TEAD1: variants seen among roughly 807,000 people sequenced by gnomAD.
The protein encoded by TEAD1 is transcriptional enhancer factor TEF-1.
In TEAD1, 9 loss-of-function variants were observed where a neutral mutation model predicts 54.9. That is an observed-to-expected ratio of 0.16 (90% CI 0.10 to 0.29). The LOEUF is 0.29. Among genes scored for constraint, TEAD1 ranks in the 10% least tolerant of loss-of-function variants. TEAD1 has a pLI of 1.00. For synonymous variants in TEAD1, 200 were observed against 187.8 expected (o/e 1.07, Z -0.53); for missense variants, 387 against 535.9 (o/e 0.72, Z 2.74).
chr11:12,724,384 C>T (rs924359427), intron 2 of TEAD1, among the ~76,000 whole-genome samples: 2 of 152,330 alleles, frequency 1.3e-5, no homozygotes, highest in Non-Finnish European at 2.9e-5. Flanking sequence ...TCCCGCACAC[C>T]TCTCGGGCTG....
At chr11:12,764,072 A>G in intron 2 of TEAD1, 107 bp from the exon 3 acceptor site, 2 of 714,476 alleles carry the variant, frequency 2.8e-6, no homozygotes, top group Non-Finnish European at 4.5e-6. Context: ...TGAAATAATA[A>G]AATGAAATGA....
At chr11:12,715,238 C>T (rs902980810) in intron 2 of TEAD1, among the ~76,000 whole-genome samples, 1 of 152,076 alleles carries the variant, frequency 6.6e-6, no homozygotes, top group African/African-American at 2.4e-5. Flanking sequence ...AATTCCATGC[C>T]CTGAGACCAT....
At chr11:12,680,896 A>G (rs775220574) in intron 2 of TEAD1, among the ~76,000 whole-genome samples, 2 of 152,198 alleles carry the variant, frequency 1.3e-5, no homozygotes, top group Non-Finnish European at 2.9e-5. Flanking sequence ...TGTGGGCCTC[A>G]GATAAGCTGT....
intron 7 of TEAD1, 73 bp downstream of exon 7, chr11:12,881,124 A>G: frequency 1.3e-6 from 2 of 1,527,150 alleles, no homozygotes; most frequent in South Asian, 1.1e-5. Flanking sequence ...CTCTTCCTGG[A>G]CCATAGTGTC....
intron 10 of TEAD1, among the ~76,000 whole-genome samples, chr11:12,915,758 C>A (rs1268130802): frequency 6.6e-6 from 1 of 152,204 alleles, no homozygotes; most frequent in African/African-American, 2.4e-5. Flanking sequence ...GCAGTAGAAT[C>A]TCTTGAACCC....
rs755570239 is a variant in TEAD1, at chr11:12,881,890, T to C, written c.513-6T>C. The C allele has an allele frequency of 1.9e-6, 3 of 1,613,994 alleles. No individual in the cohort carries two copies. The African/African-American group carries it at 4.0e-5, about 22-fold the overall frequency. On this transcript the variant is annotated splice_region_variant and splice_polypyrimidine_tract_variant and intron_variant, in intron 7 of 12. Transcript: ENST00000527636. ...TTAACTCTGTCTGCCATCTCTCTGT[T>C]CCCAGCGTCAAGCCTTTTGTGCAGC...
At chr11:12,828,571 G>A (rs2134013846) in intron 3 of TEAD1, among the ~76,000 whole-genome samples, 1 of 151,286 alleles carries the variant, frequency 6.6e-6, no homozygotes, top group Non-Finnish European at 1.5e-5. Context: ...AAAAGCTGAT[G>A]TTTGAGTTGA....
intron 2 of TEAD1, among the ~76,000 whole-genome samples, chr11:12,690,468 CTT>C (rs1207507961): frequency 1.3e-5 from 2 of 152,142 alleles, no homozygotes; most frequent in East Asian, 3.9e-4. Flanking sequence ...CTGTGTTTCT[CTT>C]CTAGACTGCC....
intron 3 of TEAD1, among the ~76,000 whole-genome samples, chr11:12,777,243 C>A (rs1945445072): frequency 6.6e-6 from 1 of 152,086 alleles, no homozygotes; most frequent in African/African-American, 2.4e-5. Context: ...ATTGTAGTCC[C>A]CCCGCCTTTG....
chr11:12,681,699 T>TA (rs1943225346), intron 2 of TEAD1, among the ~76,000 whole-genome samples: 1 of 152,240 alleles, frequency 6.6e-6, no homozygotes, highest in Non-Finnish European at 1.5e-5. Context: ...ATTCACCAAA[T>TA]ACTTGTGTCT....
intron 2 of TEAD1, among the ~76,000 whole-genome samples, chr11:12,757,222 G>A (rs7930077): frequency 0.45 from 68,316 of 151,798 alleles, 16,258 homozygotes; most frequent in South Asian, 0.61. Flanking sequence ...GCTCACTCAA[G>A]TTTGCTTTAC....
intron 3 of TEAD1, among the ~76,000 whole-genome samples, chr11:12,772,671 C>T (rs1945336491): frequency 6.6e-6 from 1 of 152,084 alleles, no homozygotes; most frequent in South Asian, 2.1e-4. Flanking sequence ...AGAAATAATA[C>T]CCAAAGGGAT....
At chr11:12,842,671 C>CT (rs1271874520) in intron 3 of TEAD1, among the ~76,000 whole-genome samples, 1 of 152,092 alleles carries the variant, frequency 6.6e-6, no homozygotes, top group Non-Finnish European at 1.5e-5. Context: ...AGGCCGTTTC[C>CT]TTTTTTTCAT....
At chr11:12,755,146 C>T (rs957472464) in intron 2 of TEAD1, among the ~76,000 whole-genome samples, 5 of 152,164 alleles carry the variant, frequency 3.3e-5, no homozygotes, top group African/African-American at 1.2e-4. Context: ...GCAGGGATGA[C>T]TCTCCAGGCA....
At chr11:12,725,196 G>A (rs60086016) in intron 2 of TEAD1, among the ~76,000 whole-genome samples, 16,278 of 152,128 alleles carry the variant, frequency 0.11, 2,944 homozygotes, top group African/African-American at 0.37. Context: ...TTATGGATGA[G>A]GAAATCGAGG....
intron 2 of TEAD1, among the ~76,000 whole-genome samples, chr11:12,745,082 C>A (rs1463870237): frequency 6.6e-6 from 1 of 152,138 alleles, no homozygotes; most frequent in Non-Finnish European, 1.5e-5. Context: ...ATGAACAGCT[C>A]CCTGGGAGAC....
chr11:12,815,718 G>A (rs964599141), intron 3 of TEAD1, among the ~76,000 whole-genome samples: 2 of 152,224 alleles, frequency 1.3e-5, no homozygotes, highest in African/African-American at 2.4e-5. Flanking sequence ...TGATATATGT[G>A]TATGTGTTAC....
intron 3 of TEAD1, among the ~76,000 whole-genome samples, chr11:12,835,782 C>T (rs985873679): frequency 6.6e-6 from 1 of 152,122 alleles, no homozygotes; most frequent in African/African-American, 2.4e-5. Context: ...TTCTGAATGC[C>T]TTAATGCTGC....
chr11:12,808,368 T>G (rs773713983), intron 3 of TEAD1, among the ~76,000 whole-genome samples: 12 of 152,166 alleles, frequency 7.9e-5, no homozygotes, highest in Non-Finnish European at 1.3e-4. Flanking sequence ...CCTTCTCTAG[T>G]GGGGCCCCAA....
Sources: allele counts gnomAD v4.1 joint callset (sites outside exome capture counted in the v4.1 genomes callset), GRCh38; gene constraint gnomAD v4.1.1; transcripts MANE v1.5; gene names NCBI Gene and HGNC (gene_info 2026-07-23, HGNC 2026-07-21).